Variants in ADAMTS20 observed in about 807,000 individuals in gnomAD.
ADAMTS20 encodes the protein A disintegrin and metalloproteinase with thrombospondin motifs 20.
Under a neutral mutation model 260.1 loss-of-function variants are expected in ADAMTS20, and 225 were observed. The ratio of observed to expected loss-of-function variants is 0.87; its 90% CI spans 0.78 to 0.97. The LOEUF (loss-of-function observed/expected upper bound fraction) is 0.97. Ranked by LOEUF, ADAMTS20 falls within the 50% of genes least tolerant of loss-of-function variation. ADAMTS20 has a pLI of 0.00. For synonymous variants in ADAMTS20, 802 were observed against 769.5 expected, an observed-to-expected ratio of 1.04 and a Z score of -0.70; for missense variants, 2,400 against 2,337.7, an observed-to-expected ratio of 1.03 and a Z score of -0.55.
At chr12:43,534,576 T>A (rs2137508971) in intron 2 of ADAMTS20, among the ~76,000 whole-genome samples, 1 of 152,210 alleles carries the variant, frequency 6.6e-6, no homozygotes, top group East Asian at 1.9e-4. Context: ...ACTTCAAAAG[T>A]CCATTGATAG....
chr12:43,444,833 A>G (rs1275423174), intron 15 of ADAMTS20, among the ~76,000 whole-genome samples: 1 of 152,200 alleles, frequency 6.6e-6, no homozygotes, highest in Non-Finnish European at 1.5e-5. Flanking sequence ...CAGTTCAAAA[A>G]GAGCTTAAAT....
intron 28 of ADAMTS20, among the ~76,000 whole-genome samples, chr12:43,424,500 A>C (rs1318025494): frequency 6.6e-6 from 1 of 152,160 alleles, no homozygotes; most frequent in South Asian, 2.1e-4. Flanking sequence ...CTGTTATGGA[A>C]GTAAATTTCT....
intron 3 of ADAMTS20, among the ~76,000 whole-genome samples, chr12:43,515,846 T>C (rs181041964): frequency 1.5e-4 from 23 of 152,348 alleles, no homozygotes; most frequent in Admixed American, 1.2e-3. Context: ...TGTTTATAGA[T>C]AGAACACTTA....
chr12:43,428,850 C>T (rs909351323), intron 24 of ADAMTS20, 51 bp from the exon 25 acceptor site: 2 of 1,474,106 alleles, frequency 1.4e-6, no homozygotes, highest in African/African-American at 2.8e-5. Flanking sequence ...GTACCTCACC[C>T]ATGTCCCTTT....
At chr12:43,442,178 T>G (rs1941678077) in intron 16 of ADAMTS20, among the ~76,000 whole-genome samples, 1 of 152,164 alleles carries the variant, frequency 6.6e-6, no homozygotes, top group African/African-American at 2.4e-5. Context: ...CATGTCTATT[T>G]TACTCACTTC....
chr12:43,426,135 A>G (rs1329412914), intron 27 of ADAMTS20, among the ~76,000 whole-genome samples: 3 of 152,196 alleles, frequency 2.0e-5, no homozygotes, highest in Admixed American at 2.0e-4. Flanking sequence ...TTTTATAAAC[A>G]TGAAATGTTC....
intron 28 of ADAMTS20, among the ~76,000 whole-genome samples, chr12:43,399,556 C>T (rs1040791651): frequency 6.6e-6 from 1 of 152,108 alleles, no homozygotes; most frequent in Non-Finnish European, 1.5e-5. Flanking sequence ...TCAACTAACT[C>T]CTTTTATCAT....
At chr12:43,510,495 C>A (rs1374134406) in intron 3 of ADAMTS20, among the ~76,000 whole-genome samples, 1 of 150,780 alleles carries the variant, frequency 6.6e-6, no homozygotes, top group East Asian at 1.9e-4. Flanking sequence ...AATGTTGATA[C>A]AATTCCTTAC....
intron 4 of ADAMTS20, among the ~76,000 whole-genome samples, chr12:43,494,242 T>G (rs1942645774): frequency 6.6e-6 from 1 of 152,184 alleles, no homozygotes; most frequent in African/African-American, 2.4e-5. Context: ...TAAAGAAATG[T>G]TCAGTATCTA....
intron 7 of ADAMTS20, among the ~76,000 whole-genome samples, chr12:43,481,044 A>C (rs918580713): frequency 6.6e-6 from 1 of 152,192 alleles, no homozygotes; most frequent in African/African-American, 2.4e-5. Context: ...GTATATCAAA[A>C]CACTACATTT....
intron 9 of ADAMTS20, among the ~76,000 whole-genome samples, chr12:43,465,026 A>G (rs1039020951): frequency 6.6e-6 from 1 of 152,180 alleles, no homozygotes; most frequent in African/African-American, 2.4e-5. Context: ...TCAGAACATT[A>G]TTTATGAAAC....
At position 43,466,465 on chromosome 12, in the gene ADAMTS20, A is replaced by G. The variant is rs1420018604; in HGVS notation, c.1367+187T>C. ...TATTTTAAAGAGTGAAATTATATAC[A>G]TGTATATATATATATATGTACACAT... On this transcript the variant is annotated intron_variant, in intron 9 of 38. Transcript: ENST00000389420. Among the ~76,000 whole-genome samples the G allele has an allele frequency of 2.6e-5, 4 of 151,066 alleles. No individual in the cohort carries two copies. In the South Asian group the frequency reaches 8.5e-4, roughly 32 times the overall value.
At chr12:43,367,748 C>A (rs1420270927) in intron 37 of ADAMTS20, among the ~76,000 whole-genome samples, 2 of 152,016 alleles carry the variant, frequency 1.3e-5, no homozygotes, top group Admixed American at 6.6e-5. Context: ...GTAAAATTAT[C>A]TTTATTCACA....
At chr12:43,448,986 A>G (rs940656043) in intron 14 of ADAMTS20, among the ~76,000 whole-genome samples, 1 of 152,176 alleles carries the variant, frequency 6.6e-6, no homozygotes, top group African/African-American at 2.4e-5. Context: ...TCAAAAAATA[A>G]AAGATGCTGG....
chr12:43,522,206 C>T (rs982638965), intron 3 of ADAMTS20, among the ~76,000 whole-genome samples: 4 of 129,190 alleles, frequency 3.1e-5, no homozygotes, highest in African/African-American at 8.0e-5. Flanking sequence ...AATCACAAGG[C>T]GGCAGGAAGG....
chr12:43,493,182 A>T lies in ADAMTS20; in HGVS notation c.939T>A (p.Ile313=). 3 of 1,560,636 alleles carry T rather than the reference A, an allele frequency of 1.9e-6. No individual in the cohort carries two copies. Among genetic ancestry groups the T allele is most frequent in the Non-Finnish European group, 2.6e-6 (3 of 1,150,958 alleles). The change falls in exon 5 of 39, where the codon ATT becomes ATA. Residue 313 remains isoleucine, a synonymous_variant. Transcript: ENST00000389420. ...IHIVVVKLVM[I]HREEEGPVIN... ...ACCTGTTTCTTACCTCCTCACGGTG[A>T]ATCATAACTAATTTTACCACTACTA...
At chr12:43,378,738 A>G (rs1455323245) in intron 31 of ADAMTS20, among the ~76,000 whole-genome samples, 2 of 152,230 alleles carry the variant, frequency 1.3e-5, no homozygotes, top group Non-Finnish European at 2.9e-5. Context: ...CATAATGAAG[A>G]AAAAACCTGT....
chr12:43,424,425 T>C (rs1454160882), intron 28 of ADAMTS20, among the ~76,000 whole-genome samples: 1 of 152,152 alleles, frequency 6.6e-6, no homozygotes, highest in Non-Finnish European at 1.5e-5. Flanking sequence ...GAGAAATGCA[T>C]AATCTATAGA....
intron 3 of ADAMTS20, among the ~76,000 whole-genome samples, chr12:43,522,760 T>C (rs1943089764): frequency 6.6e-6 from 1 of 152,224 alleles, no homozygotes; most frequent in Non-Finnish European, 1.5e-5. Context: ...CATGGGTTTT[T>C]AATTGCTTGC....
Sources: allele counts gnomAD v4.1 joint callset (sites outside exome capture counted in the v4.1 genomes callset), GRCh38; gene constraint gnomAD v4.1.1; transcripts MANE v1.5; gene names NCBI Gene and HGNC (gene_info 2026-07-23, HGNC 2026-07-21).